The following PLCL1 variants were observed in gnomAD, a reference collection of about 807,000 sequenced individuals.
The protein encoded by PLCL1 is inactive phospholipase C-like protein 1.
In PLCL1, 41 loss-of-function variants were observed where a neutral mutation model predicts 84.4. The ratio of observed to expected loss-of-function variants is 0.49; its 90% CI spans 0.38 to 0.63. PLCL1 has a LOEUF of 0.63. PLCL1 is among the 30% of genes least tolerant of loss of function. The probability of loss-of-function intolerance (pLI) is 0.00; values close to 1 mark genes in which losing one functional copy is unlikely to be tolerated. For synonymous variants in PLCL1, 490 were observed against 488.3 expected, an observed-to-expected ratio of 1.00 and a Z score of -0.05; for missense variants, 1,206 against 1,367.8, an observed-to-expected ratio of 0.88 and a Z score of 1.87.
chr2:197,957,023 TTC>T (rs1479974699), intron 1 of PLCL1, among the ~76,000 whole-genome samples: 2 of 151,990 alleles, frequency 1.3e-5, no homozygotes, highest in Non-Finnish European at 2.9e-5. Flanking sequence ...TACTTGGTTA[TTC>T]TCTGTTTTTC....
intron 1 of PLCL1, among the ~76,000 whole-genome samples, chr2:197,898,971 A>G (rs1248493702): frequency 1.3e-5 from 2 of 152,132 alleles, no homozygotes; most frequent in East Asian, 3.8e-4. Context: ...CATCACCTCA[A>G]TGACATAGGC....
In PLCL1 at chr2:197,808,108, C is replaced by T. The variant is rs111700301; in HGVS notation, c.240+2769C>T. Among the ~76,000 whole-genome samples, 885 of 152,236 alleles carry T rather than the reference C, an allele frequency of 5.8e-3. 15 individuals carry two copies. The highest frequency in any genetic ancestry group is 0.02 in the African/African-American group (814 of 41,536). On this transcript the variant is annotated intron_variant, in intron 1 of 5. Coordinates refer to ENST00000428675, the MANE Select transcript of PLCL1 (RefSeq NM_006226.4). Reference sequence around the variant, plus strand: ...ATATAACCAATCCTAGGTTTAAAAACGTTCAATGTGAGAATTAAACTAAGT... The same window carrying T: ...ATATAACCAATCCTAGGTTTAAAAATGTTCAATGTGAGAATTAAACTAAGT...
chr2:198,089,589 C>T (rs917693452), intron 3 of PLCL1, among the ~76,000 whole-genome samples: 2 of 152,116 alleles, frequency 1.3e-5, no homozygotes, highest in Non-Finnish European at 1.5e-5. Flanking sequence ...CCTTTAAGGA[C>T]GTTTCTCTGG....
intron 1 of PLCL1, among the ~76,000 whole-genome samples, chr2:198,059,641 G>A (rs1294127137): frequency 1.3e-5 from 2 of 152,070 alleles, no homozygotes; most frequent in Non-Finnish European, 2.9e-5. Flanking sequence ...GGGAGAGTGG[G>A]TTCAGCCAAG....
At chr2:197,942,860 T>C (rs966029842) in intron 1 of PLCL1, among the ~76,000 whole-genome samples, 2 of 152,164 alleles carry the variant, frequency 1.3e-5, no homozygotes, top group Admixed American at 6.5e-5. Flanking sequence ...TTAACCAGAC[T>C]TCTCCTGATT....
At chr2:198,028,513 G>T (rs934361429) in intron 1 of PLCL1, among the ~76,000 whole-genome samples, 1 of 152,160 alleles carries the variant, frequency 6.6e-6, no homozygotes, top group Admixed American at 6.5e-5. Context: ...CAGAGAGAAA[G>T]AATTACTTTT....
intron 1 of PLCL1, among the ~76,000 whole-genome samples, chr2:197,843,281 G>A (rs569612580): frequency 4.6e-5 from 7 of 152,270 alleles, no homozygotes; most frequent in Admixed American, 2.0e-4. Context: ...ATTGCCCAGC[G>A]TTTGCCACAT....
chr2:198,086,282 CG>C (rs1559100003), intron 2 of PLCL1, 50 bp downstream of exon 2: 1 of 1,244,972 alleles, frequency 8.0e-7, no homozygotes. Context: ...TATTCCTACC[CG>C]TATAATGTTT....
At chr2:198,037,566 C>T (rs1691576468) in intron 1 of PLCL1, among the ~76,000 whole-genome samples, 1 of 152,172 alleles carries the variant, frequency 6.6e-6, no homozygotes, top group Non-Finnish European at 1.5e-5. Context: ...CTTCCTTCAA[C>T]ATCCACTTAA....
At chr2:198,141,128 A>G (rs1242865055) in intron 5 of PLCL1, among the ~76,000 whole-genome samples, 2 of 152,108 alleles carry the variant, frequency 1.3e-5, no homozygotes, top group Non-Finnish European at 2.9e-5. Context: ...GAACAGAACT[A>G]CTCTACGACT....
At chr2:197,959,631 G>A (rs1293329825) in intron 1 of PLCL1, among the ~76,000 whole-genome samples, 2 of 151,974 alleles carry the variant, frequency 1.3e-5, no homozygotes, top group East Asian at 1.9e-4. Flanking sequence ...CTTTAGTTTG[G>A]CTCATCTAGA....
chr2:197,806,252 C>A (rs1015057861), intron 1 of PLCL1, among the ~76,000 whole-genome samples: 4 of 152,074 alleles, frequency 2.6e-5, no homozygotes, highest in African/African-American at 9.7e-5. Context: ...CAGTATAAAA[C>A]GATATGTATG....
intron 1 of PLCL1, among the ~76,000 whole-genome samples, chr2:197,840,906 C>A (rs182424520): frequency 6.4e-4 from 97 of 152,282 alleles, no homozygotes; most frequent in African/African-American, 2.2e-3. Context: ...GAAAAAGCTG[C>A]TACCTATGAC....
At chr2:197,878,880 C>T (rs1470286899) in intron 1 of PLCL1, among the ~76,000 whole-genome samples, 1 of 152,190 alleles carries the variant, frequency 6.6e-6, no homozygotes, top group East Asian at 1.9e-4. Flanking sequence ...CTGGCTGAAG[C>T]CTGCCCACAG....
intron 1 of PLCL1, among the ~76,000 whole-genome samples, chr2:197,972,429 G>A (rs975453355): frequency 1.3e-5 from 2 of 152,102 alleles, no homozygotes; most frequent in African/African-American, 4.8e-5. Flanking sequence ...CAAGAGATGC[G>A]ACCTTGTTGA....
chr2:198,024,893 A>G (rs1016248261), intron 1 of PLCL1, among the ~76,000 whole-genome samples: 7 of 152,176 alleles, frequency 4.6e-5, no homozygotes, highest in Non-Finnish European at 7.4e-5. Context: ...TGACTTTAAC[A>G]TAATTCCTAA....
At chr2:197,839,741 C>T (rs1185907464) in intron 1 of PLCL1, among the ~76,000 whole-genome samples, 1 of 152,172 alleles carries the variant, frequency 6.6e-6, no homozygotes, top group Non-Finnish European at 1.5e-5. Flanking sequence ...TTCATATCTC[C>T]AGAGAGTCTT....
intron 1 of PLCL1, among the ~76,000 whole-genome samples, chr2:198,012,270 C>A (rs993636588): frequency 1.3e-5 from 2 of 152,116 alleles, no homozygotes; most frequent in African/African-American, 4.8e-5. Flanking sequence ...TAAAGTGCTG[C>A]AGGGCATCCT....
chr2:198,100,006 T>C (rs1291160068), intron 3 of PLCL1, among the ~76,000 whole-genome samples: 1 of 151,850 alleles, frequency 6.6e-6, no homozygotes, highest in Non-Finnish European at 1.5e-5. Flanking sequence ...CTAGGAAAAA[T>C]AAGAGTGGAG....
Sources: gnomAD v4.1 joint callset for allele counts (sites outside exome capture counted in the v4.1 genomes callset) on GRCh38, gnomAD v4.1.1 for gene constraint, MANE v1.5 for transcripts, NCBI Gene and HGNC (gene_info 2026-07-23, HGNC 2026-07-21) for gene names.